PPARGC1A: variants seen among roughly 807,000 people sequenced by gnomAD.
PPARGC1A encodes the protein peroxisome proliferator-activated receptor gamma coactivator 1-alpha.
PPARGC1A carries 25 observed loss-of-function variants against 88.7 expected under a neutral mutation model. That is an observed-to-expected ratio of 0.28 (90% CI 0.21 to 0.39). The LOEUF (loss-of-function observed/expected upper bound fraction) is 0.39, where lower values mean the gene tolerates loss of function less well. Ranked by LOEUF, PPARGC1A falls within the 10% of genes least tolerant of loss-of-function variation. The pLI is 1.00. For missense variants in PPARGC1A, 880 were observed against 968.7 expected (o/e 0.91, Z 1.22); for synonymous variants, 363 against 355.6 (o/e 1.02, Z -0.24).
At chr4:24,350,229 T>C in the PPARGC1A span, among the ~76,000 whole-genome samples, 5 of 152,196 alleles carry the variant, frequency 3.3e-5, no homozygotes, top group Admixed American at 6.5e-5. Flanking sequence ...TTGCAGTCGA[T>C]CTAGAGCTCA....
At chr4:23,935,635 C>A in the PPARGC1A span, among the ~76,000 whole-genome samples, 1 of 152,128 alleles carries the variant, frequency 6.6e-6, no homozygotes, top group African/African-American at 2.4e-5. Flanking sequence ...AAATTATTTA[C>A]CAGTATCTTA....
At chr4:23,936,468 G>A in the PPARGC1A span, among the ~76,000 whole-genome samples, 1 of 152,166 alleles carries the variant, frequency 6.6e-6, no homozygotes, top group African/African-American at 2.4e-5. Flanking sequence ...CAAGCGCAGT[G>A]GCTCACGCAT....
the PPARGC1A span, among the ~76,000 whole-genome samples, chr4:24,027,318 C>T: frequency 1.0e-3 from 159 of 152,010 alleles, 1 homozygote; most frequent in Non-Finnish European, 8.2e-4. Flanking sequence ...ACCAGACTGC[C>T]TGCATTCAAA....
the PPARGC1A span, among the ~76,000 whole-genome samples, chr4:24,098,138 C>T: frequency 5.3e-5 from 8 of 152,244 alleles, no homozygotes; most frequent in East Asian, 1.4e-3. Flanking sequence ...GGCCAGGAAT[C>T]CTAAAAACCT....
the PPARGC1A span, among the ~76,000 whole-genome samples, chr4:24,122,435 A>ATG: frequency 7.5e-6 from 1 of 134,140 alleles, no homozygotes; most frequent in Non-Finnish European, 1.6e-5. Flanking sequence ...ATATATATAT[A>ATG]TAGAGAGAGA....
chr4:23,891,214 G>A (rs1327855656), upstream of PPARGC1A, among the ~76,000 whole-genome samples: 2 of 152,158 alleles, frequency 1.3e-5, no homozygotes, highest in Non-Finnish European at 2.9e-5. Flanking sequence ...AACACTTCCT[G>A]TAACATGACA....
At chr4:24,323,863 G>T in the PPARGC1A span, among the ~76,000 whole-genome samples, 1 of 152,130 alleles carries the variant, frequency 6.6e-6, no homozygotes, top group Non-Finnish European at 1.5e-5. Context: ...TTTCAAATCC[G>T]GTAAGCGGCC....
chr4:23,848,634 C>CA (rs1380439524), intron 2 of PPARGC1A, among the ~76,000 whole-genome samples: 1 of 152,160 alleles, frequency 6.6e-6, no homozygotes, highest in Non-Finnish European at 1.5e-5. Context: ...AATTGCTGCT[C>CA]AATTTGTCCC....
chr4:24,135,597 C>G, the PPARGC1A span, among the ~76,000 whole-genome samples: 1 of 152,148 alleles, frequency 6.6e-6, no homozygotes, highest in Non-Finnish European at 1.5e-5. Context: ...GTTTGACTCC[C>G]TGTTCTCCTC....
At chr4:24,036,947 G>A in the PPARGC1A span, among the ~76,000 whole-genome samples, 1 of 152,140 alleles carries the variant, frequency 6.6e-6, no homozygotes, top group Non-Finnish European at 1.5e-5. Flanking sequence ...TATTAATATT[G>A]GCTCATATTT....
At chr4:24,243,780 G>A in the PPARGC1A span, among the ~76,000 whole-genome samples, 1 of 152,172 alleles carries the variant, frequency 6.6e-6, no homozygotes, top group Non-Finnish European at 1.5e-5. Flanking sequence ...CAGCTCAAAA[G>A]AGACTCAGAC....
the PPARGC1A span, among the ~76,000 whole-genome samples, chr4:24,238,725 C>CT: frequency 6.7e-6 from 1 of 148,588 alleles, no homozygotes; most frequent in Admixed American, 6.7e-5. Flanking sequence ...TAAGTGAATC[C>CT]TATCAATCCA....
chr4:24,358,518 A>T, the PPARGC1A span, among the ~76,000 whole-genome samples: 1 of 152,188 alleles, frequency 6.6e-6, no homozygotes, highest in African/African-American at 2.4e-5. Flanking sequence ...CCAAGTTCTG[A>T]TGCTACATTG....
the PPARGC1A span, among the ~76,000 whole-genome samples, chr4:24,214,881 C>T: frequency 2.6e-5 from 4 of 152,210 alleles, no homozygotes; most frequent in African/African-American, 9.6e-5. Context: ...ATCTACTTGG[C>T]AGAAATGGCA....
At chr4:24,274,972 G>T in the PPARGC1A span, among the ~76,000 whole-genome samples, 1 of 152,110 alleles carries the variant, frequency 6.6e-6, no homozygotes, top group Non-Finnish European at 1.5e-5. Flanking sequence ...AAGAAACTTT[G>T]CCGCTAAGAA....
intron 7 of PPARGC1A, 119 bp downstream of exon 7, chr4:23,824,161 A>G: frequency 1.2e-6 from 1 of 819,360 alleles, no homozygotes. Flanking sequence ...CTTCTTATCC[A>G]ATTTTGTATT....
chr4:24,317,755 A>G, the PPARGC1A span, among the ~76,000 whole-genome samples: 1 of 151,624 alleles, frequency 6.6e-6, no homozygotes, highest in African/African-American at 2.4e-5. Flanking sequence ...ACAAGCATCC[A>G]CCTATACGCA....
chr4:24,458,413 A>G, the PPARGC1A span, among the ~76,000 whole-genome samples: 1 of 152,178 alleles, frequency 6.6e-6, no homozygotes, highest in African/African-American at 2.4e-5. Context: ...AGGTGGGAGG[A>G]TGGCTTTAGC....
the PPARGC1A span, among the ~76,000 whole-genome samples, chr4:24,238,350 C>T: frequency 3.3e-5 from 5 of 152,192 alleles, no homozygotes; most frequent in African/African-American, 1.2e-4. Flanking sequence ...TGACTCCTGG[C>T]TCTATCACTG....
Sources: allele counts gnomAD v4.1 joint callset (sites outside exome capture counted in the v4.1 genomes callset), GRCh38; gene constraint gnomAD v4.1.1; transcripts MANE v1.5; gene names NCBI Gene and HGNC (gene_info 2026-07-23, HGNC 2026-07-21).